Variants in NEMP2 observed in about 807,000 individuals in gnomAD.
The protein encoded by NEMP2 is UPF0571 transmembrane protein.
In NEMP2, 53 loss-of-function variants were observed where a neutral mutation model predicts 54.2. That is an observed-to-expected ratio of 0.98 (90% CI 0.78 to 1.23). The LOEUF (loss-of-function observed/expected upper bound fraction) is 1.23. Ranked by LOEUF, NEMP2 falls within the 50% of genes most tolerant of loss-of-function variation. The probability of loss-of-function intolerance (pLI) is 0.00; values close to 1 mark genes in which losing one functional copy is unlikely to be tolerated. For missense variants in NEMP2, 455 were observed against 511.3 expected, an observed-to-expected ratio of 0.89 and a Z score of 1.06; for synonymous variants, 197 against 190.3, an observed-to-expected ratio of 1.04 and a Z score of -0.29.
chr2:190,646,414 G>C, the NEMP2 span, among the ~76,000 whole-genome samples: 1 of 152,026 alleles, frequency 6.6e-6, no homozygotes, highest in Non-Finnish European at 1.5e-5. Context: ...TGGTAAGGTG[G>C]AAAAAAAGAA....
At position 190,513,981 on chromosome 2, in the gene NEMP2, C is replaced by T. The variant is rs1690461016; in HGVS notation, c.953+472G>A. On this transcript the variant is annotated intron_variant, in intron 7 of 8. Transcript: ENST00000409150. The surrounding 1 kb of genome is among the most constrained non-coding windows in gnomAD (Gnocchi z 5.3). Reference sequence around the variant, plus strand: ...AGGTTACTTCATTTTTCTTTTTATACTCCAAAGGCCATAAGCCTTAACTAA... The same window carrying T: ...AGGTTACTTCATTTTTCTTTTTATATTCCAAAGGCCATAAGCCTTAACTAA... Among the ~76,000 whole-genome samples the T allele has an allele frequency of 6.6e-6, 1 of 152,150 alleles. No homozygotes were observed. Among genetic ancestry groups the T allele is most frequent in the South Asian group, 2.1e-4 (1 of 4,832 alleles).
the NEMP2 span, among the ~76,000 whole-genome samples, chr2:190,644,523 T>G: frequency 1.3e-5 from 2 of 152,204 alleles, no homozygotes; most frequent in African/African-American, 2.4e-5. The surrounding 1 kb of genome is among the most constrained non-coding windows in gnomAD (Gnocchi z 4.4). Context: ...ACAAAAAAAA[T>G]TATTCTCTTT....
chr2:190,607,034 C>G, the NEMP2 span, among the ~76,000 whole-genome samples: 1 of 152,156 alleles, frequency 6.6e-6, no homozygotes, highest in African/African-American at 2.4e-5. The surrounding 1 kb of genome is among the most constrained non-coding windows in gnomAD (Gnocchi z 5.2). Flanking sequence ...TAGGTGCTGA[C>G]ATGTGAGGCA....
chr2:190,631,691 G>A, the NEMP2 span, among the ~76,000 whole-genome samples: 2 of 152,186 alleles, frequency 1.3e-5, no homozygotes, highest in East Asian at 3.9e-4. Flanking sequence ...TTTTATTTTT[G>A]TAATTAATTT....
chr2:190,516,440 A>C (rs1690560123), intron 5 of NEMP2, 56 bp from the exon 6 acceptor site: 4 of 1,290,984 alleles, frequency 3.1e-6, no homozygotes, highest in Non-Finnish European at 3.2e-6. Context: ...TCTCATAAAA[A>C]TAAAAGCAAA....
chr2:190,537,454 C>T (rs1691413206), upstream of NEMP2, among the ~76,000 whole-genome samples: 2 of 152,132 alleles, frequency 1.3e-5, no homozygotes, highest in East Asian at 1.9e-4. Flanking sequence ...GGGCTTTTCC[C>T]CTTCACTCAG....
At chr2:190,484,205 G>A in the NEMP2 span, among the ~76,000 whole-genome samples, 1 of 152,172 alleles carries the variant, frequency 6.6e-6, no homozygotes, top group Non-Finnish European at 1.5e-5. Context: ...CTGTGCCCTT[G>A]TTACTGTTGT....
At chr2:190,643,785 G>A in the NEMP2 span, among the ~76,000 whole-genome samples, 11 of 152,042 alleles carry the variant, frequency 7.2e-5, no homozygotes, top group Admixed American at 7.2e-4. Flanking sequence ...AAATTAGCCG[G>A]GCATGGTGGC....
the NEMP2 span, among the ~76,000 whole-genome samples, chr2:190,456,922 T>C: frequency 6.6e-6 from 1 of 152,210 alleles, no homozygotes; most frequent in South Asian, 2.1e-4. This position sits in a 1 kb window ranked among gnomAD's most constrained non-coding sequence, Gnocchi z 5.4. Flanking sequence ...TTTGCTTTTC[T>C]ACTTTCCTCT....
the NEMP2 span, among the ~76,000 whole-genome samples, chr2:190,627,227 T>G: frequency 6.6e-6 from 1 of 152,270 alleles, no homozygotes; most frequent in African/African-American, 2.4e-5. This position sits in a 1 kb window ranked among gnomAD's most constrained non-coding sequence, Gnocchi z 4.4. Flanking sequence ...AACAACAGTT[T>G]TTGAATAAAT....
chr2:190,554,818 TGTGC>T, the NEMP2 span, among the ~76,000 whole-genome samples: 2 of 152,234 alleles, frequency 1.3e-5, no homozygotes, highest in Non-Finnish European at 2.9e-5. This position sits in a 1 kb window ranked among gnomAD's most constrained non-coding sequence, Gnocchi z 5.7. Flanking sequence ...TAAGGGACAG[TGTGC>T]CTCCTCAAGT....
chr2:190,626,454 GAGAGAGAGAGAGAA>G, the NEMP2 span: 7 of 151,226 alleles, frequency 4.6e-5, no homozygotes, highest in Non-Finnish European at 8.9e-5. The surrounding 1 kb of genome is among the most constrained non-coding windows in gnomAD (Gnocchi z 4.5). Flanking sequence ...TAAGAGTGTC[GAGAGAGAGAGAGAA>G]AGAGAGAGAG....
chr2:190,482,454 A>G, the NEMP2 span, among the ~76,000 whole-genome samples: 1 of 147,230 alleles, frequency 6.8e-6, no homozygotes. Context: ...TGGTCTATTC[A>G]TGGGAAAGGT....
At chr2:190,469,877 A>G in the NEMP2 span, 31 of 1,530,280 alleles carry the variant, frequency 2.0e-5, no homozygotes, top group East Asian at 7.0e-4. This position sits in a 1 kb window ranked among gnomAD's most constrained non-coding sequence, Gnocchi z 5.3. Context: ...GCTGGGATTG[A>G]AATTATTTCT....
the NEMP2 span, among the ~76,000 whole-genome samples, chr2:190,549,853 T>A: frequency 5.3e-4 from 80 of 152,298 alleles, no homozygotes; most frequent in African/African-American, 1.9e-3. Flanking sequence ...AGCAAAACGT[T>A]TGGGAAATAA....
At chr2:190,572,824 T>G in the NEMP2 span, among the ~76,000 whole-genome samples, 2 of 116,094 alleles carry the variant, frequency 1.7e-5, no homozygotes, top group Non-Finnish European at 3.5e-5. Context: ...ACAATAGATC[T>G]TTTCATGAGT....
At chr2:190,540,924 G>A in the NEMP2 span, among the ~76,000 whole-genome samples, 5 of 152,016 alleles carry the variant, frequency 3.3e-5, no homozygotes, top group African/African-American at 7.2e-5. Context: ...TTGGTTTGGT[G>A]AGGTTTTTAA....
At position 190,512,008 on chromosome 2, in the gene NEMP2, T is replaced by G. The variant is rs1395108464; in HGVS notation, c.954-1471A>C. ...TATATATATATTTTTTCTTGAGGGT[T>G]AGGATTGATAAATCTATTATCTTTT... On this transcript the variant is annotated intron_variant, in intron 7 of 8. Transcript: ENST00000409150. This position sits in a 1 kb window ranked among gnomAD's most constrained non-coding sequence, Gnocchi z 4.5. 1.3e-5 allele frequency among the ~76,000 whole-genome samples: 2 copies of G among 151,106 alleles called. No homozygotes were observed. The highest frequency in any genetic ancestry group is 2.9e-5 in the Non-Finnish European group (2 of 67,802).
the NEMP2 span, among the ~76,000 whole-genome samples, chr2:190,564,690 A>T: frequency 6.6e-6 from 1 of 152,352 alleles, no homozygotes; most frequent in African/African-American, 2.4e-5. The surrounding 1 kb of genome is among the most constrained non-coding windows in gnomAD (Gnocchi z 4.2). Context: ...AAAGCAAGAG[A>T]CAAGTAAGGA....
Sources: gnomAD v4.1 joint callset for allele counts (sites outside exome capture counted in the v4.1 genomes callset) on GRCh38, gnomAD v4.1.1 for gene constraint, Gnocchi (gnomAD v3.1) non-coding constraint, MANE v1.5 for transcripts, NCBI Gene and HGNC (gene_info 2026-07-23, HGNC 2026-07-21) for gene names.